Variants in SEMA5A observed in about 807,000 individuals in gnomAD.
The protein encoded by SEMA5A is semaphorin 5A.
A neutral mutation model predicts 135.5 loss-of-function variants in SEMA5A; 55 were observed. The observed-to-expected ratio is 0.41, with a 90% CI of 0.33 to 0.51. The LOEUF (loss-of-function observed/expected upper bound fraction) is 0.51, where lower values mean the gene tolerates loss of function less well. Among genes scored for constraint, SEMA5A ranks in the 20% least tolerant of loss-of-function variants. The probability of loss-of-function intolerance (pLI) is 0.37; values close to 1 mark genes in which losing one functional copy is unlikely to be tolerated. For missense variants in SEMA5A, 1,290 were observed against 1,419.9 expected, an observed-to-expected ratio of 0.91 and a Z score of 1.47; for synonymous variants, 580 against 546.5, an observed-to-expected ratio of 1.06 and a Z score of -0.85.
At chr5:9,100,838 G>T (rs1739589972) in intron 16 of SEMA5A, among the ~76,000 whole-genome samples, 1 of 152,106 alleles carries the variant, frequency 6.6e-6, no homozygotes, top group Non-Finnish European at 1.5e-5. Context: ...TAGGGTGGCA[G>T]CCAGGATGTG....
chr5:9,512,495 A>G (rs1736265297), intron 1 of SEMA5A, among the ~76,000 whole-genome samples: 1 of 152,130 alleles, frequency 6.6e-6, no homozygotes, highest in Non-Finnish European at 1.5e-5. Flanking sequence ...CTGGTCTTCT[A>G]ACTCATAATC....
In SEMA5A at chr5:9,297,015, G is replaced by A. The variant is rs552371568; in HGVS notation, c.270+21357C>T. On this transcript the variant is annotated intron_variant, in intron 5 of 22. Coordinates refer to ENST00000382496, the MANE Select transcript of SEMA5A (RefSeq NM_003966.3). ...CTCTTTCTGGGAGACAACCAAAAAG[G>A]TGCAGCTAAAGCTCAGAGAAGAAAA... Among the ~76,000 whole-genome samples the A allele has an allele frequency of 2.0e-4, 31 of 152,062 alleles. No individual in the cohort carries two copies. In the South Asian group the frequency reaches 6.4e-3, roughly 32 times the overall value.
At position 9,062,809 on chromosome 5, in the gene SEMA5A, C is replaced by T. The variant is rs556466595; in HGVS notation, c.2518+78G>A. 94 of 1,438,242 alleles carry T rather than the reference C, an allele frequency of 6.5e-5. No individual in the cohort carries two copies. In the South Asian group the frequency reaches 7.2e-4, roughly 11 times the overall value. 89.1% of individuals were successfully genotyped at this position (1,438,242 alleles called of 1,614,324 possible). A position where few individuals can be genotyped will look rare whatever the true frequency, so the allele number is the denominator to read the frequency against. On this transcript the variant is annotated intron_variant, in intron 18 of 22. Transcript: ENST00000382496. ...TCTCAAACACGAAGCCAGGGAGCTG[C>T]GTGAGGCCTGGTAAATTAGAAGACT...
At position 9,224,898 on chromosome 5, in the gene SEMA5A, G is replaced by A; in HGVS notation, c.433-11C>T. The A allele has an allele frequency of 1.2e-6, 2 of 1,607,858 alleles. No homozygotes were observed. The stretch of plus-strand genomic sequence containing the variant: ...AGTCAGGTTGCTCAACTGTGGGGGA[G>A]GATGAGAGGGAAAGCAGTTATCTCT... On this transcript the variant is annotated splice_polypyrimidine_tract_variant and intron_variant, in intron 7 of 22. Transcript: ENST00000382496.
rs187756479 is a variant in SEMA5A at position 9,175,182 on chromosome 5, A to T, written c.1273+15085T>A. Among the ~76,000 whole-genome samples, 6 of 152,142 alleles carry T rather than the reference A, an allele frequency of 3.9e-5. No homozygotes were observed. In the East Asian group the frequency reaches 1.2e-3, roughly 30 times the overall value. ...CAAAGGAATTGCAAAGGTCATCCAGATCCCGTGTGTTCATGGAGGGTCAAG... is the reference window on the plus strand; with the variant it reads ...CAAAGGAATTGCAAAGGTCATCCAGTTCCCGTGTGTTCATGGAGGGTCAAG... On this transcript the variant is annotated intron_variant, in intron 11 of 22. Transcript: ENST00000382496.
chr5:9,061,251 T>G (rs1737166020), intron 18 of SEMA5A, among the ~76,000 whole-genome samples: 1 of 152,154 alleles, frequency 6.6e-6, no homozygotes, highest in Non-Finnish European at 1.5e-5. Context: ...CTGTAAACAG[T>G]GCACAGTCGG....
At chr5:9,061,525 G>A (rs765320999) in intron 18 of SEMA5A, among the ~76,000 whole-genome samples, 2 of 152,104 alleles carry the variant, frequency 1.3e-5, no homozygotes, top group East Asian at 1.9e-4. Flanking sequence ...AAGACTTTCC[G>A]TGGGTTCTGG....
chr5:9,201,807 C>T, intron 9 of SEMA5A, 148 bp downstream of exon 9: 1 of 710,100 alleles, frequency 1.4e-6, no homozygotes, highest in East Asian at 2.7e-5. Context: ...ATGTAGTCTA[C>T]TGAAAAGTCC....
chr5:9,190,765 T>C (rs1745066443), intron 10 of SEMA5A, among the ~76,000 whole-genome samples: 1 of 152,200 alleles, frequency 6.6e-6, no homozygotes, highest in Non-Finnish European at 1.5e-5. Flanking sequence ...AGCAGATGCA[T>C]AGAAACTCCT....
chr5:9,540,186 G>A (rs548621537), intron 1 of SEMA5A, among the ~76,000 whole-genome samples: 1 of 152,268 alleles, frequency 6.6e-6, no homozygotes, highest in African/African-American at 2.4e-5. Context: ...TCTAGGCAGC[G>A]TGGGCAACAC....
intron 11 of SEMA5A, among the ~76,000 whole-genome samples, chr5:9,186,650 G>A (rs1744824979): frequency 6.6e-6 from 1 of 152,138 alleles, no homozygotes; most frequent in Admixed American, 6.5e-5. Flanking sequence ...ACTCTAGCAT[G>A]TGTGCTCAAT....
rs903483790 is a variant in SEMA5A at position 9,382,776 on chromosome 5, G to A, written c.-77-2753C>T. ...AGCATGAGGTAAGGCCTATTGCATC[G>A]ATAAGCAGCAACCATGGAGTTGATA... On this transcript the variant is annotated intron_variant, in intron 2 of 22. Transcript: ENST00000382496. Among the ~76,000 whole-genome samples the A allele has an allele frequency of 4.6e-5, 7 of 152,144 alleles. No homozygotes were observed. The East Asian group carries it at 5.8e-4, about 13-fold the overall frequency.
chr5:9,319,408 G>A lies in SEMA5A; in HGVS notation c.225-991C>T, dbSNP rs115147167. Among the ~76,000 whole-genome samples, 1,390 of 152,058 alleles carry A rather than the reference G, an allele frequency of 9.1e-3. 20 individuals are homozygous for A. The highest frequency in any genetic ancestry group is 0.032 in the African/African-American group (1,315 of 41,474). On this transcript the variant is annotated intron_variant, in intron 4 of 22. Transcript: ENST00000382496. ...TAAAATATCAATTTCAACAAAGAAG[G>A]GGAAGAATAGTGAAACATGCAGTGG...
intron 19 of SEMA5A, 77 bp from the exon 20 acceptor site, chr5:9,052,105 A>G (rs905962418): frequency 1.4e-6 from 2 of 1,412,222 alleles, no homozygotes; most frequent in Admixed American, 3.0e-5. Flanking sequence ...GGCAAGTTAC[A>G]TATGTGATTT....
At chr5:9,058,941 G>A (rs563942866) in intron 18 of SEMA5A, among the ~76,000 whole-genome samples, 1 of 152,170 alleles carries the variant, frequency 6.6e-6, no homozygotes, top group East Asian at 1.9e-4. Flanking sequence ...CTCCAAGAAT[G>A]CAAAGGAAGA....
intron 5 of SEMA5A, among the ~76,000 whole-genome samples, chr5:9,312,831 G>C (rs1354473917): frequency 6.6e-6 from 1 of 152,146 alleles, no homozygotes; most frequent in Non-Finnish European, 1.5e-5. Context: ...CAGGCAACCT[G>C]TCTTGGAAGT....
rs578262365 is a variant in SEMA5A at position 9,446,544 on chromosome 5, G to T, written c.-174-8692C>A. 4.6e-5 allele frequency among the ~76,000 whole-genome samples: 7 copies of T among 152,188 alleles called. No homozygotes were observed. The South Asian group carries it at 1.5e-3, about 32-fold the overall frequency. ...AAGAGCTTGCACAACCAGTTAATTT[G>T]CAAGGACAGCCGGCCTCTGGGCTTC... On this transcript the variant is annotated intron_variant, in intron 1 of 22. Coordinates refer to ENST00000382496, the MANE Select transcript of SEMA5A (RefSeq NM_003966.3).
intron 12 of SEMA5A, 24 bp downstream of exon 12, chr5:9,154,464 A>G (rs768826824): frequency 9.9e-6 from 16 of 1,610,666 alleles, no homozygotes; most frequent in Non-Finnish European, 1.4e-5. Flanking sequence ...ACACCAGTGC[A>G]TCCTGACCCC....
At chr5:9,243,424 T>C (rs1355916182) in intron 5 of SEMA5A, among the ~76,000 whole-genome samples, 1 of 152,168 alleles carries the variant, frequency 6.6e-6, no homozygotes, top group East Asian at 1.9e-4. Flanking sequence ...TCTTAACTAA[T>C]GACATCTAGA....
Sources: gnomAD v4.1 joint callset for allele counts (sites outside exome capture counted in the v4.1 genomes callset) on GRCh38, gnomAD v4.1.1 for gene constraint, MANE v1.5 for transcripts, NCBI Gene and HGNC (gene_info 2026-07-23, HGNC 2026-07-21) for gene names.